Variants in CELF2 observed in about 807,000 individuals in gnomAD.
CELF2 encodes the protein CUGBP Elav-like family member 2.
Under a neutral mutation model 62.6 loss-of-function variants are expected in CELF2, and 8 were observed. The ratio of observed to expected loss-of-function variants is 0.13; its 90% confidence interval spans 0.07 to 0.23. The LOEUF is 0.23. CELF2 is among the 10% of genes least tolerant of loss of function. CELF2 has a pLI of 1.00. For missense variants in CELF2, 333 were observed against 671.0 expected, an observed-to-expected ratio of 0.50 and a Z score of 5.56; for synonymous variants, 258 against 250.0, an observed-to-expected ratio of 1.03 and a Z score of -0.30.
intron 3 of CELF2, among the ~76,000 whole-genome samples, chr10:11,229,119 C>T (rs2067682326): frequency 6.6e-6 from 1 of 152,174 alleles, no homozygotes; most frequent in Non-Finnish European, 1.5e-5. Context: ...TCACACCAGT[C>T]AGTGCTGGGG....
At chr10:11,162,133 C>A (rs531252218) in intron 1 of CELF2, among the ~76,000 whole-genome samples, 1 of 152,040 alleles carries the variant, frequency 6.6e-6, no homozygotes, top group Non-Finnish European at 1.5e-5. Flanking sequence ...GGGACAGGAC[C>A]ACCCATACCA....
chr10:11,275,757 C>T (rs1044706872), intron 8 of CELF2, among the ~76,000 whole-genome samples: 2 of 152,186 alleles, frequency 1.3e-5, no homozygotes, highest in Admixed American at 6.5e-5. Flanking sequence ...TTCTAATGAG[C>T]TGCGCCAGTA....
chr10:10,686,938 C>A, the CELF2 span, among the ~76,000 whole-genome samples: 1 of 152,154 alleles, frequency 6.6e-6, no homozygotes, highest in East Asian at 1.9e-4. Context: ...CCTGATCCCA[C>A]CTTCTTGATG....
the CELF2 span, among the ~76,000 whole-genome samples, chr10:10,464,594 A>C: frequency 6.6e-6 from 1 of 152,196 alleles, no homozygotes; most frequent in Non-Finnish European, 1.5e-5. Context: ...GCTTAAAATA[A>C]GAAAGGATAA....
chr10:10,846,143 C>A (rs1261467236), intron 1 of CELF2: 1 of 984,068 alleles, frequency 1.0e-6, no homozygotes, highest in Non-Finnish European at 1.2e-6. Flanking sequence ...TATTTGGGAA[C>A]CTCGCTATTC....
Position 11,306,961 on chromosome 10 carries a change from C to T in CELF2, c.977-7178C>T, listed in dbSNP as rs1309144060. On this transcript the variant is annotated intron_variant, in intron 9 of 12. Transcript: ENST00000633077. The surrounding 1 kb of genome is among the most constrained non-coding windows in gnomAD (Gnocchi z 4.4). ...GGCCGCCTCCACCTCTCCTATGGCC[C>T]CCTGAGCTAGGCTGCCCCATGCTCA... 1.3e-5 allele frequency among the ~76,000 whole-genome samples: 2 copies of T among 152,220 alleles called. No homozygotes were observed. The highest frequency in any genetic ancestry group is 2.4e-5 in the African/African-American group (1 of 41,454).
intron 8 of CELF2, among the ~76,000 whole-genome samples, chr10:11,277,277 A>G (rs2086493719): frequency 6.6e-6 from 1 of 152,138 alleles, no homozygotes; most frequent in African/African-American, 2.4e-5. Context: ...TGTCCTTGCC[A>G]TCAATCTGTG....
the CELF2 span, among the ~76,000 whole-genome samples, chr10:10,719,553 A>G: frequency 1.5e-4 from 23 of 152,188 alleles, no homozygotes; most frequent in African/African-American, 4.8e-4. Context: ...AGAGTCAGCC[A>G]CTGTGTACCC....
the CELF2 span, among the ~76,000 whole-genome samples, chr10:10,715,534 T>C: frequency 1.3e-5 from 2 of 152,232 alleles, no homozygotes; most frequent in South Asian, 4.1e-4. Flanking sequence ...ACTTAAATTA[T>C]GATTCCTTTT....
rs2053814473 is a variant in CELF2, at chr10:10,995,059, A to T, written c.89+75060A>T. Among the ~76,000 whole-genome samples the T allele has an allele frequency of 6.6e-6, 1 of 151,982 alleles. No individual in the cohort carries two copies. Among genetic ancestry groups the T allele is most frequent in the African/African-American group, 2.4e-5 (1 of 41,382 alleles). On this transcript the variant is annotated intron_variant, in intron 2 of 13. Coordinates refer to the CELF2 transcript ENST00000636488. This position sits in a 1 kb window ranked among gnomAD's most constrained non-coding sequence, Gnocchi z 4.7. The stretch of plus-strand genomic sequence containing the variant: ...CCTTGGAGCTCTTGCGGCCCATAAA[A>T]TCCCACAGCATTAGACACTGCATTA...
At chr10:10,600,064 CCTT>C in the CELF2 span, among the ~76,000 whole-genome samples, 1 of 152,054 alleles carries the variant, frequency 6.6e-6, no homozygotes, top group African/African-American at 2.4e-5. Flanking sequence ...TTAATGCTGA[CCTT>C]CTGCACAAAT....
At chr10:10,946,929 T>G (rs140747253) in intron 2 of CELF2, 116 of 152,368 alleles carry the variant, frequency 7.6e-4, no homozygotes, top group African/African-American at 2.7e-3. Context: ...GACACATTTG[T>G]CCCATCTTTG....
chr10:10,695,836 G>A, the CELF2 span, among the ~76,000 whole-genome samples: 617 of 151,638 alleles, frequency 4.1e-3, 7 homozygotes, highest in East Asian at 0.026. Context: ...CGTAGTTCTC[G>A]AGCCTTGGTT....
At chr10:10,767,072 T>C in the CELF2 span, among the ~76,000 whole-genome samples, 2 of 152,172 alleles carry the variant, frequency 1.3e-5, no homozygotes, top group Non-Finnish European at 2.9e-5. Flanking sequence ...CGCCGTCTTT[T>C]GGGGCTATGC....
At chr10:10,543,649 C>A in the CELF2 span, among the ~76,000 whole-genome samples, 8 of 152,200 alleles carry the variant, frequency 5.3e-5, no homozygotes, top group South Asian at 1.7e-3. Context: ...GAGTTTGAGA[C>A]CAGCCTGGGC....
intron 9 of CELF2, among the ~76,000 whole-genome samples, chr10:11,299,591 A>G (rs992634423): frequency 2.0e-5 from 3 of 152,068 alleles, no homozygotes; most frequent in African/African-American, 7.2e-5. Flanking sequence ...ATTAAATGCT[A>G]CAGCTGCTGT....
At chr10:10,795,504 T>A (rs1194849025), upstream of CELF2, among the ~76,000 whole-genome samples, 1 of 152,198 alleles carries the variant, frequency 6.6e-6, no homozygotes, top group Non-Finnish European at 1.5e-5. Flanking sequence ...AGATAAATAG[T>A]TGGCCCAGTT....
intron 2 of CELF2, among the ~76,000 whole-genome samples, chr10:10,950,177 T>A (rs115933964): frequency 0.013 from 1,935 of 152,246 alleles, 51 homozygotes; most frequent in African/African-American, 0.044. Flanking sequence ...AGGCAGGAAG[T>A]TTGCACTGGG....
At chr10:10,863,151 C>G (rs2133166366) in intron 1 of CELF2, among the ~76,000 whole-genome samples, 1 of 152,292 alleles carries the variant, frequency 6.6e-6, no homozygotes, top group South Asian at 2.1e-4. Context: ...CAGGGATGAA[C>G]AGGAAAGAAC....
Sources: gnomAD v4.1 joint callset for allele counts (sites outside exome capture counted in the v4.1 genomes callset) on GRCh38, gnomAD v4.1.1 for gene constraint, Gnocchi (gnomAD v3.1) non-coding constraint, MANE v1.5 for transcripts, NCBI Gene and HGNC (gene_info 2026-07-23, HGNC 2026-07-21) for gene names.